Variants in AUH observed in about 807,000 individuals in gnomAD.
AUH encodes methylglutaconyl-CoA hydratase, mitochondrial.
A neutral mutation model predicts 42.3 loss-of-function variants in AUH; 29 were observed. The ratio of observed to expected loss-of-function variants is 0.69; its 90% confidence interval spans 0.51 to 0.93. AUH has a LOEUF of 0.93. Among genes scored for constraint, AUH ranks in the 40% least tolerant of loss-of-function variants. The pLI is 0.00. For synonymous variants in AUH, 174 were observed against 166.4 expected, an observed-to-expected ratio of 1.05 and a Z score of -0.35; for missense variants, 452 against 438.1, an observed-to-expected ratio of 1.03 and a Z score of -0.28.
chr9:91,298,163 T>C lies in AUH; in HGVS notation c.506-87A>G, dbSNP rs989359251. The C allele has an allele frequency of 3.9e-6, 4 of 1,019,600 alleles. No individual in the cohort carries two copies. In the Admixed American group the frequency reaches 5.6e-5, roughly 14 times the overall value. The allele number at this position is 1,019,600 out of a possible 1,614,324, so 63.2% of individuals were successfully genotyped here. The stretch of plus-strand genomic sequence containing the variant: ...TTTTTAATTTTTTTCTGTGAATTTA[T>C]GCTTTAAATGGGAGATCATATACAG... On this transcript the variant is annotated intron_variant, in intron 4 of 9. Coordinates refer to ENST00000375731, the MANE Select transcript of AUH (RefSeq NM_001698.3).
At chr9:91,336,977 T>C (rs1830743196) in intron 3 of AUH, among the ~76,000 whole-genome samples, 1 of 152,238 alleles carries the variant, frequency 6.6e-6, no homozygotes, top group Non-Finnish European at 1.5e-5. Context: ...TTCTATGCCA[T>C]CTATTTCCTT....
intron 3 of AUH, among the ~76,000 whole-genome samples, chr9:91,352,299 G>A (rs1208566079): frequency 3.3e-5 from 5 of 151,934 alleles, no homozygotes; most frequent in Non-Finnish European, 7.4e-5. Flanking sequence ...ATAATCTTAT[G>A]GGACCAGCAT....
chr9:91,233,592 C>T (rs576688679), intron 6 of AUH, among the ~76,000 whole-genome samples: 302 of 152,228 alleles, frequency 2.0e-3, no homozygotes, highest in African/African-American at 7.0e-3. Flanking sequence ...AGCATTGCAA[C>T]AGGAATGCGT....
intron 6 of AUH, among the ~76,000 whole-genome samples, chr9:91,222,930 A>G (rs557947263): frequency 6.6e-6 from 1 of 152,342 alleles, no homozygotes; most frequent in Admixed American, 6.5e-5. Flanking sequence ...AAGTCCCGGA[A>G]GCTCAAACTC....
At chr9:91,339,162 A>T (rs1830917138) in intron 3 of AUH, among the ~76,000 whole-genome samples, 2 of 152,250 alleles carry the variant, frequency 1.3e-5, no homozygotes, top group African/African-American at 4.8e-5. Flanking sequence ...ATGGGGTTAT[A>T]TCCCAATAAA....
Position 91,214,389 on chromosome 9 carries a change from CAAG to C in AUH, c.976_978del (p.Leu326del). On this transcript the variant is annotated inframe_deletion, in exon 10 of 10. Coordinates refer to ENST00000375731, the MANE Select transcript of AUH (RefSeq NM_001698.3). ...CGAGGGGGCCTTTTCTCTTTAAAAG[CAAG>C]AAGACCTTCAAGTCTGTCTTTTGTT... is the stretch of plus-strand genomic sequence containing the variant. 6.2e-7 allele frequency: 1 copy of C among 1,610,294 alleles called. No individual in the cohort carries two copies. Among genetic ancestry groups the C allele is most frequent in the Non-Finnish European group, 8.5e-7 (1 of 1,178,264 alleles).
intron 9 of AUH, among the ~76,000 whole-genome samples, chr9:91,215,071 C>T (rs144315844): frequency 6.6e-6 from 1 of 152,164 alleles, no homozygotes; most frequent in African/African-American, 2.4e-5. Context: ...TATATACAAG[C>T]TGGGCACAGA....
At chr9:91,298,152 CT>C in intron 4 of AUH, 76 bp from the exon 5 acceptor site, 1 of 1,222,552 alleles carries the variant, frequency 8.2e-7, no homozygotes, top group South Asian at 1.2e-5. Flanking sequence ...TAATTTTTTT[CT>C]GTGAATTTAT....
intron 6 of AUH, among the ~76,000 whole-genome samples, chr9:91,293,516 G>T (rs1196534555): frequency 1.3e-5 from 2 of 152,218 alleles, no homozygotes; most frequent in African/African-American, 2.4e-5. Context: ...GCCTAATCCA[G>T]AGCAAAGCCC....
chr9:91,246,954 C>A (rs1828830254), intron 6 of AUH, among the ~76,000 whole-genome samples: 1 of 152,138 alleles, frequency 6.6e-6, no homozygotes, highest in Non-Finnish European at 1.5e-5. Context: ...GCCAGCAATG[C>A]CTTCCCAGAC....
chr9:91,284,893 A>T (rs373638031), intron 6 of AUH, among the ~76,000 whole-genome samples: 1 of 152,304 alleles, frequency 6.6e-6, no homozygotes, highest in Admixed American at 6.5e-5. Flanking sequence ...ACTGTGGAAG[A>T]CAGTGTGGCA....
intron 3 of AUH, among the ~76,000 whole-genome samples, chr9:91,353,340 C>A (rs1299821386): frequency 1.3e-5 from 2 of 152,118 alleles, no homozygotes; most frequent in African/African-American, 4.8e-5. Flanking sequence ...CCCACCTCGA[C>A]TTCCAAAGTG....
At chr9:91,228,789 A>T (rs1827682445) in intron 6 of AUH, among the ~76,000 whole-genome samples, 2 of 151,986 alleles carry the variant, frequency 1.3e-5, no homozygotes, top group Admixed American at 6.6e-5. Flanking sequence ...ACATCTTTAT[A>T]TCTGCCTTCA....
chr9:91,345,560 G>A (rs1342384182), intron 3 of AUH, among the ~76,000 whole-genome samples: 3 of 152,096 alleles, frequency 2.0e-5, no homozygotes, highest in East Asian at 1.9e-4. Flanking sequence ...AAGGCCAGGC[G>A]TGGTGGCTCA....
At chr9:91,329,304 G>GAA (rs149098947) in intron 3 of AUH, among the ~76,000 whole-genome samples, 3 of 134,954 alleles carry the variant, frequency 2.2e-5, no homozygotes, top group African/African-American at 2.7e-5. Context: ...TTGGAGAAAA[G>GAA]AAAAAAAAAA....
chr9:91,259,183 T>G (rs1430323631), intron 6 of AUH, among the ~76,000 whole-genome samples: 2 of 152,226 alleles, frequency 1.3e-5, no homozygotes, highest in African/African-American at 4.8e-5. Context: ...AATTACAAAT[T>G]CAATTTCTTA....
rs963636917 is a variant in AUH, at chr9:91,302,284, A to G, written c.506-4208T>C. Among the ~76,000 whole-genome samples, 5 of 152,224 alleles carry G rather than the reference A, an allele frequency of 3.3e-5. No homozygotes were observed. The South Asian group carries it at 1.0e-3, about 32-fold the overall frequency. On this transcript the variant is annotated intron_variant, in intron 4 of 9. Transcript: ENST00000375731. ...GGAGTTGGCGACCAGCCTGGCCAACATGGTGAAACCCCATCTCTACTAAAA... is the reference window on the plus strand; with the variant it reads ...GGAGTTGGCGACCAGCCTGGCCAACGTGGTGAAACCCCATCTCTACTAAAA...
chr9:91,285,956 A>AT (rs1273713157), intron 6 of AUH, among the ~76,000 whole-genome samples: 8 of 152,156 alleles, frequency 5.3e-5, no homozygotes, highest in Admixed American at 4.6e-4. Flanking sequence ...CATCGGTAAA[A>AT]TGTCAACATT....
Position 91,213,943 on chromosome 9 carries a change from T to C in AUH, c.*405A>G, listed in dbSNP as rs1288191690. On this transcript the variant is annotated 3_prime_UTR_variant, in exon 10 of 10. Transcript: ENST00000375731. ...ATGCATTAATCACTTAGAAACTTTA[T>C]TTGGTATAACTTCACATTTTTGGTA... 1 of 169,620 alleles carries C rather than the reference T, an allele frequency of 5.9e-6. No homozygotes were observed. The highest frequency in any genetic ancestry group is 1.3e-5 in the Non-Finnish European group (1 of 77,794). 10.5% of individuals were successfully genotyped at this position (169,620 alleles called of 1,614,324 possible). A position where few individuals can be genotyped will look rare whatever the true frequency, so the allele number is the denominator to read the frequency against.
Sources: allele counts gnomAD v4.1 joint callset (sites outside exome capture counted in the v4.1 genomes callset), GRCh38; gene constraint gnomAD v4.1.1; transcripts MANE v1.5; gene names NCBI Gene and HGNC (gene_info 2026-07-23, HGNC 2026-07-21).